RPS6KA2: variants seen among roughly 807,000 people sequenced by gnomAD.
RPS6KA2 encodes ribosomal protein S6 kinase A2, also known as ribosomal protein S6 kinase alpha-2.
RPS6KA2 carries 42 observed loss-of-function variants against 91.8 expected under a neutral mutation model. The observed-to-expected ratio is 0.46, with a 90% CI of 0.36 to 0.59. RPS6KA2 has a LOEUF of 0.59. Among genes scored for constraint, RPS6KA2 ranks in the 20% least tolerant of loss-of-function variants. RPS6KA2 has a pLI of 0.00. For missense variants in RPS6KA2, 798 were observed against 978.5 expected (o/e 0.82, Z 2.46); for synonymous variants, 414 against 393.6 (o/e 1.05, Z -0.61).
chr6:166,550,759 T>C (rs974270186), intron 1 of RPS6KA2, among the ~76,000 whole-genome samples: 7 of 152,090 alleles, frequency 4.6e-5, no homozygotes, highest in East Asian at 3.9e-4. Flanking sequence ...TCCCAGCACT[T>C]TGGGAGGCCA....
At chr6:166,581,387 G>A (rs951562908) in intron 1 of RPS6KA2, among the ~76,000 whole-genome samples, 1 of 152,122 alleles carries the variant, frequency 6.6e-6, no homozygotes, top group Admixed American at 6.5e-5. Flanking sequence ...ACACCCACCT[G>A]GATGCGCAGG....
At chr6:166,468,647 A>G (rs958480553) in intron 11 of RPS6KA2, among the ~76,000 whole-genome samples, 1 of 151,902 alleles carries the variant, frequency 6.6e-6, no homozygotes, top group South Asian at 2.1e-4. Context: ...GTGGATCATG[A>G]GGTCAGGAGA....
chr6:166,735,457 A>G (rs1374853725), intron 2 of RPS6KA2, among the ~76,000 whole-genome samples: 5 of 152,296 alleles, frequency 3.3e-5, no homozygotes, highest in African/African-American at 1.2e-4. Flanking sequence ...CAAGCACATG[A>G]CATTTATTGT....
intron 2 of RPS6KA2, among the ~76,000 whole-genome samples, chr6:166,759,226 T>C (rs1778103666): frequency 1.3e-5 from 2 of 152,238 alleles, no homozygotes; most frequent in Non-Finnish European, 1.5e-5. Context: ...CTTTCCACTA[T>C]GGGAACTTTA....
intron 8 of RPS6KA2, among the ~76,000 whole-genome samples, chr6:166,491,456 A>T (rs1387368879): frequency 6.6e-6 from 1 of 152,208 alleles, no homozygotes; most frequent in Non-Finnish European, 1.5e-5. Context: ...GTCTCATCAG[A>T]GCAAGGTGCA....
At chr6:166,580,590 G>T (rs1452714979) in intron 1 of RPS6KA2, among the ~76,000 whole-genome samples, 1 of 152,232 alleles carries the variant, frequency 6.6e-6, no homozygotes, top group African/African-American at 2.4e-5. Context: ...GCTTGCTCTG[G>T]ATTGTACCCA....
At chr6:166,750,949 C>CA (rs1791262972) in intron 2 of RPS6KA2, among the ~76,000 whole-genome samples, 1 of 152,194 alleles carries the variant, frequency 6.6e-6, no homozygotes, top group South Asian at 2.1e-4. Flanking sequence ...TCTGAGGGGA[C>CA]AAATTCTATT....
At chr6:166,718,274 T>C (rs928831312) in intron 2 of RPS6KA2, among the ~76,000 whole-genome samples, 1 of 152,210 alleles carries the variant, frequency 6.6e-6, no homozygotes, top group African/African-American at 2.4e-5. Context: ...CAGGGCACCA[T>C]GCAGACTGGC....
chr6:166,756,948 A>G (rs1387977522), intron 2 of RPS6KA2, among the ~76,000 whole-genome samples: 1 of 152,226 alleles, frequency 6.6e-6, no homozygotes, highest in Admixed American at 6.5e-5. Flanking sequence ...TCAGTTTGGG[A>G]TGATGAAAAC....
In RPS6KA2 at chr6:166,554,394, C is replaced by A. The variant is rs1227975938; in HGVS notation, c.100-15610G>T. Among the ~76,000 whole-genome samples, 1 of 152,194 alleles carries A rather than the reference C, an allele frequency of 6.6e-6. No individual in the cohort carries two copies. The highest frequency in any genetic ancestry group is 2.1e-4 in the South Asian group (1 of 4,828). ...ATGTGATATAAAGCTTAACCTGCCT[C>A]CTTTTGTTGTAAACATTGGATGCAA... On this transcript the variant is annotated intron_variant, in intron 1 of 20. Transcript: ENST00000265678. This position sits in a 1 kb window ranked among gnomAD's most constrained non-coding sequence, Gnocchi z 4.3.
At chr6:166,485,892 G>C (rs891979068) in intron 10 of RPS6KA2, among the ~76,000 whole-genome samples, 4 of 152,160 alleles carry the variant, frequency 2.6e-5, no homozygotes, top group Non-Finnish European at 5.9e-5. Context: ...ACCCTCAGGG[G>C]GTGAGGTCTT....
At chr6:166,818,942 C>A (rs899445394) in intron 2 of RPS6KA2, among the ~76,000 whole-genome samples, 2 of 152,026 alleles carry the variant, frequency 1.3e-5, no homozygotes, top group African/African-American at 4.8e-5. Context: ...TCCAAGGATG[C>A]TCCCTGGCTC....
chr6:166,625,701 A>C (rs1025665971), intron 1 of RPS6KA2, among the ~76,000 whole-genome samples: 1 of 152,158 alleles, frequency 6.6e-6, no homozygotes, highest in Non-Finnish European at 1.5e-5. Context: ...GATTTGCCTC[A>C]CTGGTGTGCT....
chr6:166,684,137 C>T (rs1395115620), intron 2 of RPS6KA2, among the ~76,000 whole-genome samples: 3 of 152,156 alleles, frequency 2.0e-5, no homozygotes, highest in Non-Finnish European at 4.4e-5. Flanking sequence ...CGGGACTTGA[C>T]TCTGGAGGCA....
At chr6:166,587,214 T>C (rs1332347765) in intron 1 of RPS6KA2, among the ~76,000 whole-genome samples, 1 of 152,114 alleles carries the variant, frequency 6.6e-6, no homozygotes, top group Non-Finnish European at 1.5e-5. Context: ...GAGTGCACAG[T>C]CCAGAGACCC....
chr6:166,492,772 A>G lies in RPS6KA2; in HGVS notation c.748-2031T>C, dbSNP rs544423728. ...TCGCTGTTGCCCAGGCTGGAGTGCAATGGCACAATCTCGGCTCACTGCAAC... is the reference window on the plus strand; with the variant it reads ...TCGCTGTTGCCCAGGCTGGAGTGCAGTGGCACAATCTCGGCTCACTGCAAC... On this transcript the variant is annotated intron_variant, in intron 8 of 20. Coordinates refer to ENST00000265678, the MANE Select transcript of RPS6KA2 (RefSeq NM_021135.6). 2.7e-5 allele frequency among the ~76,000 whole-genome samples: 4 copies of G among 149,940 alleles called. No individual in the cohort carries two copies. The East Asian group carries it at 7.8e-4, about 29-fold the overall frequency.
chr6:166,428,239 C>G, intron 16 of RPS6KA2, among the ~76,000 whole-genome samples: 1 of 151,108 alleles, frequency 6.6e-6, no homozygotes, highest in African/African-American at 2.4e-5. Flanking sequence ...GCTGGGAAAA[C>G]TGGCTAGCCA....
intron 2 of RPS6KA2, among the ~76,000 whole-genome samples, chr6:166,654,065 G>C (rs1437702529): frequency 6.6e-6 from 1 of 152,250 alleles, no homozygotes; most frequent in Non-Finnish European, 1.5e-5. Context: ...ATAGCACACT[G>C]TATTCTGATC....
chr6:166,768,221 G>C (rs559851997), intron 2 of RPS6KA2, among the ~76,000 whole-genome samples: 1 of 152,322 alleles, frequency 6.6e-6, no homozygotes, highest in African/African-American at 2.4e-5. Context: ...TTCTGGTTGA[G>C]GTTGGGTATG....
Sources: allele counts gnomAD v4.1 joint callset (sites outside exome capture counted in the v4.1 genomes callset), GRCh38; gene constraint gnomAD v4.1.1; non-coding constraint Gnocchi (gnomAD v3.1); transcripts MANE v1.5; gene names NCBI Gene and HGNC (gene_info 2026-07-23, HGNC 2026-07-21).